The following TRAM2 variants were observed in gnomAD, a reference collection of about 807,000 sequenced individuals.
The protein encoded by TRAM2 is translocating chain-associated membrane protein 2.
A neutral mutation model predicts 51.0 loss-of-function variants in TRAM2; 12 were observed. That is an observed-to-expected ratio of 0.24 (90% CI 0.15 to 0.38). The LOEUF (loss-of-function observed/expected upper bound fraction) is 0.38. TRAM2 is among the 10% of genes least tolerant of loss of function. The pLI, the probability that TRAM2 is intolerant of heterozygous loss-of-function variation, is 1.00. For missense variants in TRAM2, 361 were observed against 462.0 expected, an observed-to-expected ratio of 0.78 and a Z score of 2.00; for synonymous variants, 175 against 179.4, an observed-to-expected ratio of 0.98 and a Z score of 0.20.
chr6:52,523,847 A>G (rs1766722912), intron 2 of TRAM2: 1 of 152,264 alleles, frequency 6.6e-6, no homozygotes, highest in Non-Finnish European at 1.5e-5. Flanking sequence ...TATAGTTATA[A>G]TACACCAGGG....
At chr6:52,525,523 A>G (rs1312550008) in intron 2 of TRAM2, among the ~76,000 whole-genome samples, 1 of 152,178 alleles carries the variant, frequency 6.6e-6, no homozygotes, top group Non-Finnish European at 1.5e-5. Flanking sequence ...ATTAAAAAAT[A>G]TTTGGGCCAG....
intron 1 of TRAM2, among the ~76,000 whole-genome samples, chr6:52,562,650 G>A (rs1767520196): frequency 6.6e-6 from 1 of 152,110 alleles, no homozygotes; most frequent in Non-Finnish European, 1.5e-5. Context: ...ATGGTGGTTT[G>A]CTGCACCCAT....
chr6:52,506,553 G>A (rs1243268870), intron 7 of TRAM2, among the ~76,000 whole-genome samples: 1 of 152,166 alleles, frequency 6.6e-6, no homozygotes. Context: ...TCACAGCTCC[G>A]AGGTACATGC....
chr6:52,571,899 C>T (rs962252247), intron 1 of TRAM2, among the ~76,000 whole-genome samples: 3 of 152,206 alleles, frequency 2.0e-5, no homozygotes, highest in Non-Finnish European at 4.4e-5. Flanking sequence ...TGCCCATGTG[C>T]CAGGTACAGT....
intron 7 of TRAM2, among the ~76,000 whole-genome samples, chr6:52,507,337 A>G (rs1260871368): frequency 6.6e-6 from 1 of 152,184 alleles, no homozygotes; most frequent in Non-Finnish European, 1.5e-5. Context: ...ATCACTCTCA[A>G]CTGTCCTTAC....
chr6:52,570,172 A>G (rs1423369117), intron 1 of TRAM2, among the ~76,000 whole-genome samples: 1 of 152,260 alleles, frequency 6.6e-6, no homozygotes, highest in East Asian at 1.9e-4. Context: ...CAGTAAAAAT[A>G]TAACAGCCAG....
intron 1 of TRAM2, among the ~76,000 whole-genome samples, chr6:52,566,516 T>G (rs1009462179): frequency 3.9e-5 from 6 of 152,036 alleles, no homozygotes; most frequent in African/African-American, 1.4e-4. Flanking sequence ...TCTAGTAGTC[T>G]CCAGAGCAAC....
intron 1 of TRAM2, among the ~76,000 whole-genome samples, chr6:52,549,010 G>A (rs1767260309): frequency 6.6e-6 from 1 of 152,170 alleles, no homozygotes; most frequent in Admixed American, 6.6e-5. Context: ...GTGGATAAAA[G>A]GGGGCAGGTG....
intron 3 of TRAM2, 158 bp downstream of exon 3, chr6:52,516,470 A>T (rs998904992): frequency 1.1e-5 from 7 of 645,482 alleles, no homozygotes; most frequent in Non-Finnish European, 1.9e-5. Flanking sequence ...GTGAACAGAA[A>T]CCAAAGTGTG....
intron 2 of TRAM2, among the ~76,000 whole-genome samples, chr6:52,519,156 C>A (rs1357238117): frequency 6.6e-6 from 1 of 152,230 alleles, no homozygotes; most frequent in Admixed American, 6.5e-5. Context: ...GGGCTCCATG[C>A]TGGGCACTGG....
intron 1 of TRAM2, among the ~76,000 whole-genome samples, chr6:52,544,147 A>C (rs576398035): frequency 2.4e-4 from 36 of 152,298 alleles, no homozygotes; most frequent in Non-Finnish European, 4.7e-4. Context: ...GGGGCCATAA[A>C]CCAGGCCCGT....
In TRAM2 at chr6:52,543,460, G is replaced by A. The variant is rs561387423; in HGVS notation, c.121-7614C>T. Reference sequence around the variant, plus strand: ...TTGGATATGAGTAAAACACACATTGGTCAGAACAAAATGTTTTTACTTTTG... The same window carrying A: ...TTGGATATGAGTAAAACACACATTGATCAGAACAAAATGTTTTTACTTTTG... On this transcript the variant is annotated intron_variant, in intron 1 of 10. Coordinates refer to ENST00000182527, the MANE Select transcript of TRAM2 (RefSeq NM_012288.4). Among the ~76,000 whole-genome samples the A allele has an allele frequency of 2.3e-3, 344 of 152,278 alleles. 2 individuals carry two copies. The highest frequency in any genetic ancestry group is 0.015 in the South Asian group (74 of 4,820).
intron 2 of TRAM2, among the ~76,000 whole-genome samples, chr6:52,518,587 A>C (rs1766600037): frequency 6.6e-6 from 1 of 152,174 alleles, no homozygotes; most frequent in South Asian, 2.1e-4. Flanking sequence ...AGGCAGGAGA[A>C]GAGAGAGGAA....
rs1223757053 is a variant in TRAM2, at chr6:52,500,430, A to T, written c.*2767T>A. 6.6e-6 allele frequency: 1 copy of T among 152,018 alleles called. No homozygotes were observed. The highest frequency in any genetic ancestry group is 1.9e-4 in the East Asian group (1 of 5,198). The allele number at this position is 152,018 out of a possible 1,614,324, so 9.4% of individuals were successfully genotyped here. ...GGTGGCAGGGGGAGGGGGGTGACAA[A>T]GTACCCTACAACTACCCTCTAACCA... On this transcript the variant is annotated 3_prime_UTR_variant, in exon 11 of 11. Coordinates refer to ENST00000182527, the MANE Select transcript of TRAM2 (RefSeq NM_012288.4).
chr6:52,551,753 G>A (rs575103861), intron 1 of TRAM2, among the ~76,000 whole-genome samples: 13 of 152,366 alleles, frequency 8.5e-5, no homozygotes, highest in Middle Eastern at 3.4e-3. Context: ...TTACACAGAG[G>A]GGGTCTGCAG....
At chr6:52,566,819 C>A (rs997828196) in intron 1 of TRAM2, among the ~76,000 whole-genome samples, 1 of 152,094 alleles carries the variant, frequency 6.6e-6, no homozygotes, top group Non-Finnish European at 1.5e-5. Flanking sequence ...GCTAGGAGAC[C>A]CCCCTCCATG....
intron 10 of TRAM2, among the ~76,000 whole-genome samples, 167 bp from the exon 11 acceptor site, chr6:52,503,437 C>A (rs1450804815): frequency 6.6e-6 from 1 of 152,176 alleles, no homozygotes; most frequent in Non-Finnish European, 1.5e-5. Flanking sequence ...TGCAAGCCAG[C>A]AGACGGCTCC....
At chr6:52,562,599 G>A (rs1470058794) in intron 1 of TRAM2, among the ~76,000 whole-genome samples, 1 of 152,178 alleles carries the variant, frequency 6.6e-6, no homozygotes, top group East Asian at 1.9e-4. Context: ...TAGGGTACAT[G>A]TGCAGAACGT....
At chr6:52,518,294 C>A (rs547661461) in intron 2 of TRAM2, among the ~76,000 whole-genome samples, 10 of 152,206 alleles carry the variant, frequency 6.6e-5, no homozygotes, top group South Asian at 2.1e-4. Flanking sequence ...AAAGCAGCAT[C>A]CACAAAGAAT....
Sources: allele counts gnomAD v4.1 joint callset (sites outside exome capture counted in the v4.1 genomes callset), GRCh38; gene constraint gnomAD v4.1.1; transcripts MANE v1.5; gene names NCBI Gene and HGNC (gene_info 2026-07-23, HGNC 2026-07-21).